BRWD1: variants seen among roughly 807,000 people sequenced by gnomAD.
BRWD1 encodes bromodomain and WD repeat domain containing 1.
BRWD1 carries 82 observed loss-of-function variants against 251.2 expected under a neutral mutation model. The observed-to-expected ratio is 0.33, with a 90% CI of 0.27 to 0.39. The LOEUF (loss-of-function observed/expected upper bound fraction) is 0.39, where lower values mean the gene tolerates loss of function less well. BRWD1 is among the 10% of genes least tolerant of loss of function. The pLI is 1.00. For synonymous variants in BRWD1, 918 were observed against 902.8 expected (o/e 1.02, Z -0.30); for missense variants, 2,233 against 2,711.6 (o/e 0.82, Z 3.92).
intron 37 of BRWD1, 136 bp from the exon 38 acceptor site, chr21:39,202,681 C>A: frequency 1.6e-6 from 1 of 619,422 alleles, no homozygotes; most frequent in Non-Finnish European, 2.7e-6. Context: ...TTAAAATATT[C>A]ACTATTAACA....
intron 29 of BRWD1, among the ~76,000 whole-genome samples, chr21:39,219,981 C>T (rs897437683): frequency 2.0e-5 from 3 of 152,046 alleles, no homozygotes; most frequent in Admixed American, 2.0e-4. Flanking sequence ...TATTTTATCT[C>T]ATCAAAAGGA....
At chr21:39,281,483 C>T (rs957648483) in intron 8 of BRWD1, among the ~76,000 whole-genome samples, 1 of 151,990 alleles carries the variant, frequency 6.6e-6, no homozygotes, top group Admixed American at 6.6e-5. Context: ...TTGCTTGAGT[C>T]CAAGAGTTCA....
At chr21:39,214,880 CTT>C (rs11337511) in intron 32 of BRWD1, among the ~76,000 whole-genome samples, 185 of 117,550 alleles carry the variant, frequency 1.6e-3, no homozygotes, top group East Asian at 4.9e-3. Flanking sequence ...TTTTTTTTTC[CTT>C]TTTTTTTTTT....
chr21:39,286,512 T>G (rs1164342767), intron 8 of BRWD1, among the ~76,000 whole-genome samples: 1 of 148,832 alleles, frequency 6.7e-6, no homozygotes, highest in Non-Finnish European at 1.5e-5. Context: ...TTATTTCCAG[T>G]ATTTGTACTT....
chr21:39,186,863 T>C lies in BRWD1; in HGVS notation c.*9396A>G, dbSNP rs1362581207. 3.3e-6 allele frequency: 4 copies of C among 1,209,980 alleles called. No homozygotes were observed. The highest frequency in any genetic ancestry group is 3.3e-6 in the Non-Finnish European group (3 of 907,830). The allele number at this position is 1,209,980 out of a possible 1,614,324, so 75.0% of individuals were successfully genotyped here. On this transcript the variant is annotated 3_prime_UTR_variant, in exon 41 of 41. Coordinates refer to ENST00000342449, the MANE Select transcript of BRWD1 (RefSeq NM_033656.4). ...CTCAGAATTCCCCAGAGCACATGTC[T>C]GTACAAGAGCTGACTGGGAGGAACC...
chr21:39,319,892 A>G (rs2036731484), intron 1 of BRWD1, among the ~76,000 whole-genome samples: 1 of 151,450 alleles, frequency 6.6e-6, no homozygotes, highest in African/African-American at 2.4e-5. Flanking sequence ...TTTCTTTGCC[A>G]CTTCTGTATC....
intron 34 of BRWD1, among the ~76,000 whole-genome samples, chr21:39,211,486 G>T (rs1037135860): frequency 6.6e-6 from 1 of 152,112 alleles, no homozygotes; most frequent in Non-Finnish European, 1.5e-5. Flanking sequence ...TACATTGTTG[G>T]CTTGAAAGAT....
chr21:39,304,777 G>C (rs546073289), intron 4 of BRWD1, among the ~76,000 whole-genome samples: 1 of 152,128 alleles, frequency 6.6e-6, no homozygotes, highest in Non-Finnish European at 1.5e-5. Context: ...AAAGAAGTTG[G>C]TGTGGCTATA....
intron 36 of BRWD1, among the ~76,000 whole-genome samples, chr21:39,209,047 TAAG>T (rs1371791391): frequency 2.7e-5 from 4 of 150,770 alleles, no homozygotes; most frequent in African/African-American, 7.3e-5. Flanking sequence ...GCTTATGAGA[TAAG>T]AAGAACTGGC....
intron 18 of BRWD1, among the ~76,000 whole-genome samples, chr21:39,257,846 A>T (rs1469419464): frequency 6.6e-6 from 1 of 152,198 alleles, no homozygotes; most frequent in Non-Finnish European, 1.5e-5. Flanking sequence ...AAGTATAGTA[A>T]TATAAGGAAT....
chr21:39,286,225 A>C (rs1025651486), intron 8 of BRWD1, among the ~76,000 whole-genome samples: 1 of 151,908 alleles, frequency 6.6e-6, no homozygotes, highest in African/African-American at 2.4e-5. Context: ...TCACCATGTT[A>C]GCCAGGATGG....
intron 17 of BRWD1, among the ~76,000 whole-genome samples, chr21:39,263,899 T>G (rs1261213962): frequency 6.6e-6 from 1 of 152,168 alleles, no homozygotes; most frequent in Non-Finnish European, 1.5e-5. Context: ...CTATTAAGAC[T>G]AGAACATCAT....
intron 8 of BRWD1, among the ~76,000 whole-genome samples, chr21:39,293,449 C>T (rs2035871997): frequency 6.6e-6 from 1 of 150,902 alleles, no homozygotes; most frequent in African/African-American, 2.4e-5. Flanking sequence ...GCTGAGATCA[C>T]ACCACTGCAC....
At chr21:39,299,952 A>G (rs1390297444) in intron 4 of BRWD1, among the ~76,000 whole-genome samples, 3 of 152,118 alleles carry the variant, frequency 2.0e-5, no homozygotes, top group African/African-American at 7.2e-5. Context: ...ATAGCACTCC[A>G]CAGCCTGGGC....
chr21:39,222,139 T>C (rs1333225621), intron 29 of BRWD1, among the ~76,000 whole-genome samples: 1 of 152,050 alleles, frequency 6.6e-6, no homozygotes, highest in Non-Finnish European at 1.5e-5. Flanking sequence ...AAAAAAACCA[T>C]TTGTCAGCCC....
At chr21:39,245,093 T>C (rs1432390684) in intron 21 of BRWD1, among the ~76,000 whole-genome samples, 1 of 151,126 alleles carries the variant, frequency 6.6e-6, no homozygotes, top group Non-Finnish European at 1.5e-5. Flanking sequence ...AATATAATAG[T>C]TTAGCCAGGC....
chr21:39,198,904 G>T lies in BRWD1; in HGVS notation c.5512C>A (p.His1838Asn). 6.2e-7 allele frequency: 1 copy of T among 1,614,078 alleles called. No individual in the cohort carries two copies. The highest frequency in any genetic ancestry group is 8.5e-7 in the Non-Finnish European group (1 of 1,180,000). The change falls in exon 40 of 41, where the codon CAT (histidine) becomes AAT (asparagine). Residue 1838 changes from histidine to asparagine, a missense_variant. By Grantham distance (68) the His-to-Asn change is moderately conservative. This residue lies in a region of BRWD1 where 928 missense variants were observed against 970.0 expected (regional missense o/e 0.96). Transcript: ENST00000342449. ...GAAATTGGGTTCATTTCCATTTTAT[G>T]ACATTTCCCATCTTCTCTATCTTGC... is the stretch of plus-strand genomic sequence containing the variant. ...EEQDREDGKC[H>N]KMEMNPISGN...
chr21:39,241,603 T>G (rs1354561488), intron 21 of BRWD1, among the ~76,000 whole-genome samples: 1 of 149,950 alleles, frequency 6.7e-6, no homozygotes, highest in African/African-American at 2.4e-5. Flanking sequence ...CAGAATAATG[T>G]GAAGTCGTGC....
At chr21:39,212,528 G>A in intron 34 of BRWD1, 138 bp downstream of exon 34, 1 of 656,224 alleles carries the variant, frequency 1.5e-6, no homozygotes, top group African/African-American at 1.9e-5. Flanking sequence ...AATCTTTCCA[G>A]TAATTTCTCC....
Sources: allele counts gnomAD v4.1 joint callset (sites outside exome capture counted in the v4.1 genomes callset), GRCh38; gene constraint gnomAD v4.1.1; regional missense constraint gnomAD v4.1.1; transcripts MANE v1.5; gene names NCBI Gene and HGNC (gene_info 2026-07-23, HGNC 2026-07-21).